Variants in RUSC1 observed in about 807,000 individuals in gnomAD.
The protein encoded by RUSC1 is RUN and SH3 domain containing 1.
RUSC1 carries 40 observed loss-of-function variants against 72.1 expected under a neutral mutation model. The ratio of observed to expected loss-of-function variants is 0.55; its 90% confidence interval spans 0.43 to 0.72. The LOEUF (loss-of-function observed/expected upper bound fraction) is 0.72, where lower values mean the gene tolerates loss of function less well. RUSC1 is among the 30% of genes least tolerant of loss of function. The probability of loss-of-function intolerance (pLI) is 0.00; values close to 1 mark genes in which losing one functional copy is unlikely to be tolerated. For synonymous variants in RUSC1, 512 were observed against 494.2 expected, an observed-to-expected ratio of 1.04 and a Z score of -0.48; for missense variants, 1,092 against 1,172.3, an observed-to-expected ratio of 0.93 and a Z score of 1.00.
intron 8 of RUSC1, among the ~76,000 whole-genome samples, chr1:155,327,440 A>C (rs1651537511): frequency 6.6e-6 from 1 of 152,188 alleles, no homozygotes; most frequent in African/African-American, 2.4e-5. Flanking sequence ...GTATAGGAAA[A>C]GACAGCCCTC....
At chr1:155,329,725 G>A (rs377176035) in intron 9 of RUSC1, among the ~76,000 whole-genome samples, 1 of 151,546 alleles carries the variant, frequency 6.6e-6, no homozygotes, top group Non-Finnish European at 1.5e-5. Flanking sequence ...GCGGCCGGGC[G>A]TGGTGGATCA....
At chr1:155,323,215 T>C (rs1650809943) in intron 2 of RUSC1, 85 bp downstream of exon 2, 4 of 1,344,716 alleles carry the variant, frequency 3.0e-6, no homozygotes, top group Non-Finnish European at 3.8e-6. Flanking sequence ...CTGTCTTCCC[T>C]CCATTCTGTG....
In RUSC1 at chr1:155,323,142, C is replaced by G. The variant is rs1650800087; in HGVS notation, c.1357+12C>G. Reference sequence around the variant, plus strand: ...GGCCGGCCTGGAGGGTAAGAGGTCGCAAGAAGCGGGAGGAGGGCTGGGCTT... The same window carrying G: ...GGCCGGCCTGGAGGGTAAGAGGTCGGAAGAAGCGGGAGGAGGGCTGGGCTT... On this transcript the variant is annotated intron_variant, in intron 2 of 9. Transcript: ENST00000368352. 1 of 1,401,542 alleles carries G rather than the reference C, an allele frequency of 7.1e-7. No individual in the cohort carries two copies. Among genetic ancestry groups the G allele is most frequent in the Non-Finnish European group, 9.2e-7 (1 of 1,084,846 alleles). 86.8% of individuals were successfully genotyped at this position (1,401,542 alleles called of 1,614,324 possible). A position where few individuals can be genotyped will look rare whatever the true frequency, so the allele number is the denominator to read the frequency against.
At chr1:155,328,403 AT>A in intron 9 of RUSC1, 128 bp downstream of exon 9, 1 of 990,096 alleles carries the variant, frequency 1.0e-6, no homozygotes, top group Non-Finnish European at 1.4e-6. Context: ...CAGCTTTTCT[AT>A]TTATTATCGA....
rs1290899989 is a variant in RUSC1, at chr1:155,330,441, C to G, written c.2579C>G (p.Pro860Arg). Residue 860 changes from proline to arginine, a missense_variant, in exon 10 of 10, where the codon CCT (proline) becomes CGT (arginine). By Grantham distance (103) the Pro-to-Arg change is moderately radical (BLOSUM62 -2). Transcript: ENST00000368352. Reference sequence around the variant, plus strand: ...CTCTGTGATCACACTGCTGCAAGACCTGACCAGTTGAGCTTCCGGCGTGGG... The same window carrying G: ...CTCTGTGATCACACTGCTGCAAGACGTGACCAGTTGAGCTTCCGGCGTGGG... ...RALCDHTAAR[P>R]DQLSFRRGEV... is the part of the protein sequence containing the mutation. 8 of 1,613,406 alleles carry G rather than the reference C, an allele frequency of 5.0e-6. No individual in the cohort carries two copies. Among genetic ancestry groups the G allele is most frequent in the Non-Finnish European group, 5.9e-6 (7 of 1,180,032 alleles).
chr1:155,324,778 G>A, intron 2 of RUSC1, 67 bp from the exon 3 acceptor site: 1 of 1,610,812 alleles, frequency 6.2e-7, no homozygotes, highest in Non-Finnish European at 8.5e-7. Flanking sequence ...GACAACTTGT[G>A]CGGGAGCCCG....
At chr1:155,321,174 C>G (rs772378995) in intron 1 of RUSC1, 183 bp downstream of exon 1, 1 of 1,372,288 alleles carries the variant, frequency 7.3e-7, no homozygotes, top group Non-Finnish European at 9.7e-7. Context: ...GGAGCCCGGC[C>G]GAGGCAGCCA....
At position 155,325,521 on chromosome 1, in the gene RUSC1, G is replaced by C. The variant is rs745920444; in HGVS notation, c.1708+31G>C. On this transcript the variant is annotated intron_variant, in intron 5 of 9. Coordinates refer to ENST00000368352, the MANE Select transcript of RUSC1 (RefSeq NM_001105203.2). This position sits in a 1 kb window ranked among gnomAD's most constrained non-coding sequence, Gnocchi z 6.5. The stretch of plus-strand genomic sequence containing the variant: ...CCAGGAGGGCGTGGGACCCGGCAGT[G>C]CGCAGGGCAGGGCCGGGCTTGGCTG... 2 of 1,604,568 alleles carry C rather than the reference G, an allele frequency of 1.2e-6. No individual in the cohort carries two copies. The highest frequency in any genetic ancestry group is 3.3e-5 in the Admixed American group (2 of 59,910).
At position 155,328,162 on chromosome 1, in the gene RUSC1, C is replaced by T; in HGVS notation, c.2427C>T (p.Ser809=). Residue 809 remains serine (S), a synonymous_variant, in exon 9 of 10, where the codon AGC becomes AGT. Coordinates refer to ENST00000368352, the MANE Select transcript of RUSC1 (RefSeq NM_001105203.2). Reference sequence around the variant, plus strand: ...TCCCTTCTTTTAGGAGACCATCTAGCTGGCTGCCCCCGACAGTGAGTGTGT... The same window carrying T: ...TCCCTTCTTTTAGGAGACCATCTAGTTGGCTGCCCCCGACAGTGAGTGTGT... ...NGALKSRRPS[S]WLPPTVSVLA... is the part of the protein sequence containing the mutation. 6.2e-7 allele frequency: 1 copy of T among 1,612,858 alleles called. No individual in the cohort carries two copies. The highest frequency in any genetic ancestry group is 1.1e-5 in the South Asian group (1 of 90,576).
intron 3 of RUSC1, 25 bp downstream of exon 3, chr1:155,324,968 C>A: frequency 6.2e-7 from 1 of 1,614,084 alleles, no homozygotes; most frequent in Non-Finnish European, 8.5e-7. Flanking sequence ...CTCCCGACCC[C>A]GCGCTTCCGA....
chr1:155,324,944 G>A lies in RUSC1; in HGVS notation c.1456+1G>A. 1.9e-6 allele frequency: 3 copies of A among 1,614,166 alleles called. No individual in the cohort carries two copies. Among genetic ancestry groups the A allele is most frequent in the Non-Finnish European group, 2.5e-6 (3 of 1,180,014 alleles). ...GGTCAGCTGCAGGAGCAGAAGAAAG[G>A]TAGGGCACCCTGACTCCCGACCCCG... On this transcript the variant is annotated splice_donor_variant, in intron 3 of 9. Coordinates refer to ENST00000368352, the MANE Select transcript of RUSC1 (RefSeq NM_001105203.2). LOFTEE classifies it high-confidence loss of function.
intron 2 of RUSC1, 98 bp downstream of exon 2, chr1:155,323,228 A>C (rs2148266813): frequency 7.8e-7 from 1 of 1,288,804 alleles, no homozygotes; most frequent in Non-Finnish European, 1.0e-6. Flanking sequence ...ATTCTGTGTC[A>C]CCCATCCTCC....
At position 155,321,845 on chromosome 1, in the gene RUSC1, G is replaced by A. The variant is rs1188525523; in HGVS notation, c.72G>A (p.Leu24=). 3 of 1,613,874 alleles carry A rather than the reference G, an allele frequency of 1.9e-6. No homozygotes were observed. The highest frequency in any genetic ancestry group is 1.1e-5 in the South Asian group (1 of 91,084). ...HIHLQHVSLG[L]HLSRRPELQE... is the part of the protein sequence containing the mutation. ...ACCTCCAGCACGTCTCCCTGGGCCT[G>A]CACTTGTCCCGCCGTCCTGAGCTAC... Residue 24 remains leucine (L), a synonymous_variant, in exon 2 of 10, where the codon CTG becomes CTA. Transcript: ENST00000368352.
Position 155,326,458 on chromosome 1 carries a change from C to A in RUSC1, c.1862-122C>A. 9.8e-7 allele frequency: 1 copy of A among 1,020,080 alleles called. No individual in the cohort carries two copies. The highest frequency in any genetic ancestry group is 1.4e-6 in the Non-Finnish European group (1 of 707,002). The allele number at this position is 1,020,080 out of a possible 1,614,324, so 63.2% of individuals were successfully genotyped here. ...TATAGCCCACCACATCCTTCCTCCT[C>A]TCTGCCCCAGTGCCCAGCAGAGTGA... On this transcript the variant is annotated intron_variant, in intron 7 of 9. Coordinates refer to ENST00000368352, the MANE Select transcript of RUSC1 (RefSeq NM_001105203.2). This position sits in a 1 kb window ranked among gnomAD's most constrained non-coding sequence, Gnocchi z 4.7.
In RUSC1 at chr1:155,330,410, C is replaced by A; in HGVS notation, c.2548C>A (p.Arg850=). The A allele has an allele frequency of 6.2e-7, 1 of 1,612,600 alleles. No individual in the cohort carries two copies. Among genetic ancestry groups the A allele is most frequent in the Non-Finnish European group, 8.5e-7 (1 of 1,180,020 alleles). Residue 850 remains arginine (R), a synonymous_variant, in exon 10 of 10, where the codon CGG becomes AGG. Transcript: ENST00000368352. The part of the protein sequence containing the change: ...PRMVQTHRAV[R]ALCDHTAARP... ...TCCTCTGGCTCCCCTCAGGGCAGTGCGGGCTCTCTGTGATCACACTGCTGC... is the reference window on the plus strand; with the variant it reads ...TCCTCTGGCTCCCCTCAGGGCAGTGAGGGCTCTCTGTGATCACACTGCTGC...
At position 155,330,591 on chromosome 1, in the gene RUSC1, GTA is replaced by G. The variant is rs908261955; in HGVS notation, c.*22_*23del. ...CTGTAGCCCTGGGACCCTTTCCTGC[GTA>G]TGTGTCTCCTTCCTGTCACCTGGGA... On this transcript the variant is annotated 3_prime_UTR_variant, in exon 10 of 10. Coordinates refer to ENST00000368352, the MANE Select transcript of RUSC1 (RefSeq NM_001105203.2). 12 of 1,546,646 alleles carry G rather than the reference GTA, an allele frequency of 7.8e-6. No homozygotes were observed. Among genetic ancestry groups the G allele is most frequent in the African/African-American group, 1.4e-5 (1 of 72,988 alleles).
At chr1:155,329,079 T>G (rs951687085) in intron 9 of RUSC1, among the ~76,000 whole-genome samples, 2 of 152,108 alleles carry the variant, frequency 1.3e-5, no homozygotes, top group African/African-American at 4.8e-5. Flanking sequence ...TTTTTATGGT[T>G]ATAGAGACTA....
chr1:155,326,154 C>T lies in RUSC1; in HGVS notation c.1861+244C>T, dbSNP rs1242686025. 1 of 589,552 alleles carries T rather than the reference C, an allele frequency of 1.7e-6. No individual in the cohort carries two copies. The highest frequency in any genetic ancestry group is 3.0e-6 in the Non-Finnish European group (1 of 331,778). The allele number at this position is 589,552 out of a possible 1,614,324, so 36.5% of individuals were successfully genotyped here. A position where few individuals can be genotyped will look rare whatever the true frequency, so the allele number is the denominator to read the frequency against. ...GAGGGTCTTGCCAACAGTCTTCCCG[C>T]CTGGCCCTTCCTGCTCCAGGGCCCT... On this transcript the variant is annotated intron_variant, in intron 7 of 9. Coordinates refer to ENST00000368352, the MANE Select transcript of RUSC1 (RefSeq NM_001105203.2). The surrounding 1 kb of genome is among the most constrained non-coding windows in gnomAD (Gnocchi z 4.7).
At position 155,325,177 on chromosome 1, in the gene RUSC1, A is replaced by G. The variant is rs1196970451; in HGVS notation, c.1532A>G (p.Lys511Arg). ...GGGGCCGCCCGGAACTTGGTGCAGA[A>G]GGTGAAGGTGGCTGGGGGGAGGCTG... Reference protein sequence around the residue: ...HFGAARNLVQKAQLGDSRLSP... With the variant: ...HFGAARNLVQRAQLGDSRLSP... The change falls in exon 4 of 10, where the codon AAG (lysine) becomes AGG (arginine). Residue 511 changes from lysine to arginine, a missense_variant and splice_region_variant. Physicochemically the swap from Lys to Arg is conservative, Grantham distance 26. Transcript: ENST00000368352. This position sits in a 1 kb window ranked among gnomAD's most constrained non-coding sequence, Gnocchi z 6.5. The G allele has an allele frequency of 3.1e-6, 5 of 1,614,096 alleles. No individual in the cohort carries two copies. In the East Asian group the frequency reaches 1.1e-4, roughly 36 times the overall value.
Sources: gnomAD v4.1 joint callset for allele counts (sites outside exome capture counted in the v4.1 genomes callset) on GRCh38, gnomAD v4.1.1 for gene constraint, Gnocchi (gnomAD v3.1) non-coding constraint, MANE v1.5 for transcripts, NCBI Gene and HGNC (gene_info 2026-07-23, HGNC 2026-07-21) for gene names.